The following FAM163A variants were observed in gnomAD, a reference collection of about 807,000 sequenced individuals.
FAM163A encodes the protein family with sequence similarity 163 member A, also known as protein FAM163A.
In FAM163A, 7 loss-of-function variants were observed where a neutral mutation model predicts 12.0. The ratio of observed to expected loss-of-function variants is 0.58; its 90% CI spans 0.33 to 1.10. FAM163A has a LOEUF of 1.10. FAM163A is among the 50% of genes least tolerant of loss of function. FAM163A has a pLI of 0.03. For synonymous variants in FAM163A, 101 were observed against 91.0 expected (o/e 1.11, Z -0.62); for missense variants, 202 against 218.6 (o/e 0.92, Z 0.48).
At chr1:179,746,966 A>G (rs1421263234) in intron 1 of FAM163A, among the ~76,000 whole-genome samples, 1 of 152,142 alleles carries the variant, frequency 6.6e-6, no homozygotes, top group Non-Finnish European at 1.5e-5. Context: ...CCTTGAAAAC[A>G]ATCTGCAGAA....
the FAM163A span, among the ~76,000 whole-genome samples, chr1:179,736,634 C>G: frequency 6.6e-6 from 1 of 151,840 alleles, no homozygotes; most frequent in Non-Finnish European, 1.5e-5. Flanking sequence ...ATGGTGAAAC[C>G]CCATCTCTAC....
chr1:179,730,207 C>T, the FAM163A span: 4 of 152,186 alleles, frequency 2.6e-5, no homozygotes, highest in South Asian at 2.1e-4. Flanking sequence ...GGAAGCCATC[C>T]GAATGCCACG....
chr1:179,791,176 A>T (rs972321990), intron 1 of FAM163A, among the ~76,000 whole-genome samples: 2 of 152,170 alleles, frequency 1.3e-5, no homozygotes, highest in African/African-American at 4.8e-5. Context: ...GAGAAAGGAA[A>T]GGCCCAAGGA....
At chr1:179,753,908 C>T (rs940527569) in intron 1 of FAM163A, among the ~76,000 whole-genome samples, 1 of 152,120 alleles carries the variant, frequency 6.6e-6, no homozygotes, top group African/African-American at 2.4e-5. Context: ...ACCATGATAC[C>T]TACCCCACAA....
At chr1:179,793,272 A>G (rs967150722) in intron 1 of FAM163A, among the ~76,000 whole-genome samples, 1 of 151,996 alleles carries the variant, frequency 6.6e-6, no homozygotes, top group East Asian at 1.9e-4. Flanking sequence ...GGCAGGCCAT[A>G]CTCATATGTC....
At chr1:179,749,837 C>T (rs1160979709) in intron 1 of FAM163A, among the ~76,000 whole-genome samples, 1 of 151,772 alleles carries the variant, frequency 6.6e-6, no homozygotes, top group Non-Finnish European at 1.5e-5. Context: ...CCAGCCTGGG[C>T]AACAGAGTGA....
rs920056901 is a variant in FAM163A at position 179,780,034 on chromosome 1, G to C, written c.-135-27764G>C. 3.3e-5 allele frequency among the ~76,000 whole-genome samples: 5 copies of C among 152,322 alleles called. 1 individual carries two copies. In the East Asian group the frequency reaches 9.6e-4, roughly 29 times the overall value. On this transcript the variant is annotated intron_variant, in intron 1 of 4. Transcript: ENST00000341785. ...ATGCTCTGAAGAATGCCCTGGCTGT[G>C]ACCCAAAGTCTGACTCTTGGCTCTG...
At chr1:179,729,585 G>A in the FAM163A span, among the ~76,000 whole-genome samples, 3 of 152,340 alleles carry the variant, frequency 2.0e-5, no homozygotes, top group South Asian at 6.2e-4. Context: ...CTTGTTCTAA[G>A]AGAATAAGTC....
chr1:179,771,094 T>C (rs1349056494), intron 1 of FAM163A, among the ~76,000 whole-genome samples: 1 of 152,090 alleles, frequency 6.6e-6, no homozygotes, highest in African/African-American at 2.4e-5. Flanking sequence ...TCAAGCACAC[T>C]CTGCTGTTAG....
intron 1 of FAM163A, among the ~76,000 whole-genome samples, chr1:179,766,155 G>T (rs1687469726): frequency 6.6e-6 from 1 of 152,128 alleles, no homozygotes; most frequent in Non-Finnish European, 1.5e-5. Flanking sequence ...TTTGCCCCAA[G>T]TCCAGCCATA....
chr1:179,751,402 G>A (rs1184802554), intron 1 of FAM163A, among the ~76,000 whole-genome samples: 1 of 152,144 alleles, frequency 6.6e-6, no homozygotes, highest in Non-Finnish European at 1.5e-5. Flanking sequence ...AAAAGAGAAA[G>A]CATAGGTGCT....
intron 1 of FAM163A, among the ~76,000 whole-genome samples, chr1:179,779,906 T>A (rs911077815): frequency 1.3e-5 from 2 of 152,242 alleles, no homozygotes; most frequent in African/African-American, 2.4e-5. Flanking sequence ...CTAAATAGAT[T>A]TGAAATACCA....
At chr1:179,792,814 T>C (rs530395977) in intron 1 of FAM163A, among the ~76,000 whole-genome samples, 2 of 152,090 alleles carry the variant, frequency 1.3e-5, no homozygotes, top group Admixed American at 6.5e-5. Flanking sequence ...GGTGCTGAGA[T>C]AGAAAAGTGT....
At chr1:179,767,679 G>A (rs1208495658) in intron 1 of FAM163A, among the ~76,000 whole-genome samples, 1 of 152,084 alleles carries the variant, frequency 6.6e-6, no homozygotes, top group Non-Finnish European at 1.5e-5. Context: ...CCTGCAGCCT[G>A]CTGCTCCAGG....
At chr1:179,807,388 G>A (rs1694086541) in intron 1 of FAM163A, among the ~76,000 whole-genome samples, 1 of 152,164 alleles carries the variant, frequency 6.6e-6, no homozygotes, top group East Asian at 1.9e-4. Context: ...TGGGAAAGAG[G>A]TATGTTAAGA....
chr1:179,732,494 A>G, the FAM163A span, among the ~76,000 whole-genome samples: 1 of 152,202 alleles, frequency 6.6e-6, no homozygotes, highest in Non-Finnish European at 1.5e-5. Context: ...CACCATGCCC[A>G]GCCAGCACAT....
the FAM163A span, among the ~76,000 whole-genome samples, chr1:179,734,988 G>GTTTA: frequency 6.6e-6 from 1 of 152,158 alleles, no homozygotes; most frequent in South Asian, 2.1e-4. Flanking sequence ...GGTCCTTTGA[G>GTTTA]TTTATATTAA....
intron 1 of FAM163A, among the ~76,000 whole-genome samples, chr1:179,788,707 T>A (rs965391658): frequency 6.6e-6 from 1 of 152,174 alleles, no homozygotes; most frequent in Non-Finnish European, 1.5e-5. Context: ...ATGTTATATA[T>A]CTGGTATGGC....
chr1:179,741,845 G>A (rs1271451431), upstream of FAM163A, among the ~76,000 whole-genome samples: 7 of 152,236 alleles, frequency 4.6e-5, no homozygotes, highest in Middle Eastern at 3.2e-3. Context: ...AAGGACTTGT[G>A]GAAGGGAATT....
Sources: gnomAD v4.1 joint callset for allele counts (sites outside exome capture counted in the v4.1 genomes callset) on GRCh38, gnomAD v4.1.1 for gene constraint, MANE v1.5 for transcripts, NCBI Gene and HGNC (gene_info 2026-07-23, HGNC 2026-07-21) for gene names.